NT5DC1: variants seen among roughly 807,000 people sequenced by gnomAD.
The protein encoded by NT5DC1 is 5'-nucleotidase domain containing 1, also known as 5'-nucleotidase domain-containing protein 1.
NT5DC1 carries 42 observed loss-of-function variants against 59.4 expected under a neutral mutation model. The ratio of observed to expected loss-of-function variants is 0.71; its 90% CI spans 0.55 to 0.92. The LOEUF (loss-of-function observed/expected upper bound fraction) is 0.92, where lower values mean the gene tolerates loss of function less well. Among genes scored for constraint, NT5DC1 ranks in the 40% least tolerant of loss-of-function variants. The pLI is 0.00. For missense variants in NT5DC1, 501 were observed against 537.1 expected (o/e 0.93, Z 0.66); for synonymous variants, 172 against 188.1 (o/e 0.91, Z 0.70).
At chr6:116,166,149 G>A (rs1476832846) in intron 6 of NT5DC1, among the ~76,000 whole-genome samples, 1 of 152,148 alleles carries the variant, frequency 6.6e-6, no homozygotes, top group African/African-American at 2.4e-5. Context: ...GGATTCAGAG[G>A]TTCTCGGGAG....
chr6:116,120,976 A>T, intron 6 of NT5DC1: 1 of 1,612,338 alleles, frequency 6.2e-7, no homozygotes, highest in Non-Finnish European at 8.5e-7. Context: ...ACCCAGGGGA[A>T]CCCCTTTCAC....
intron 6 of NT5DC1, among the ~76,000 whole-genome samples, chr6:116,133,207 T>C (rs1779512257): frequency 6.6e-6 from 1 of 152,172 alleles, no homozygotes; most frequent in South Asian, 2.1e-4. Flanking sequence ...AAATATAGAA[T>C]GTCTTGGCCC....
At chr6:116,135,224 G>A (rs1779559199) in intron 6 of NT5DC1, among the ~76,000 whole-genome samples, 1 of 152,086 alleles carries the variant, frequency 6.6e-6, no homozygotes, top group Admixed American at 6.6e-5. Context: ...GACCCTTAAA[G>A]GGGGAAGATG....
intron 3 of NT5DC1, among the ~76,000 whole-genome samples, chr6:116,108,881 T>C (rs1209657126): frequency 1.3e-5 from 2 of 152,200 alleles, no homozygotes; most frequent in Non-Finnish European, 2.9e-5. Context: ...AATTTGGCCC[T>C]GTCATGCAGG....
At chr6:116,183,477 T>C (rs1397763852) in intron 6 of NT5DC1, among the ~76,000 whole-genome samples, 1 of 151,558 alleles carries the variant, frequency 6.6e-6, no homozygotes, top group Admixed American at 6.6e-5. Flanking sequence ...TGGTCATTTT[T>C]TAAATATGGA....
chr6:116,132,962 C>A (rs766753144), intron 6 of NT5DC1, among the ~76,000 whole-genome samples: 2 of 152,056 alleles, frequency 1.3e-5, no homozygotes, highest in Non-Finnish European at 2.9e-5. Flanking sequence ...TGGTTAGATA[C>A]CTGCTGAGAG....
intron 6 of NT5DC1, among the ~76,000 whole-genome samples, chr6:116,206,492 A>G (rs1376369275): frequency 6.6e-6 from 1 of 151,974 alleles, no homozygotes; most frequent in Non-Finnish European, 1.5e-5. Flanking sequence ...ACCCAGGAAC[A>G]CTGGAGACCA....
chr6:116,182,222 AGTGTGTGTGTGTGT>A (rs35883565), intron 6 of NT5DC1, among the ~76,000 whole-genome samples: 9 of 124,604 alleles, frequency 7.2e-5, no homozygotes, highest in Non-Finnish European at 1.2e-4. Context: ...TTCCATGGAG[AGTGTGTGTGTGTGT>A]GTGTGTGTGT....
intron 11 of NT5DC1, among the ~76,000 whole-genome samples, chr6:116,240,787 C>A (rs976226820): frequency 6.6e-6 from 1 of 152,038 alleles, no homozygotes; most frequent in East Asian, 1.9e-4. Context: ...CTTTAAATTG[C>A]TGAAAGAAAA....
In NT5DC1 at chr6:116,110,900, A is replaced by G. The variant is rs760865615; in HGVS notation, c.308A>G (p.Tyr103Cys). Reference protein sequence around the residue: ...MMTPEVLAEAYGKKEWKHFLS... With the variant: ...MMTPEVLAEACGKKEWKHFLS... ...ACTCCAGAGGTGCTGGCAGAGGCAT[A>G]TGGCAAGAAAGAGTGGAAGCACTTC... is the stretch of plus-strand genomic sequence containing the variant. Residue 103 changes from tyrosine (Y) to cysteine (C), a missense_variant, in exon 4 of 12, where the codon TAT (tyrosine) becomes TGT (cysteine). By Grantham distance (194) the Tyr-to-Cys change is radical. Coordinates refer to ENST00000319550, the MANE Select transcript of NT5DC1 (RefSeq NM_152729.3). 5.6e-6 allele frequency: 9 copies of G among 1,614,076 alleles called. No individual in the cohort carries two copies. In the East Asian group the frequency reaches 1.6e-4, roughly 28 times the overall value.
Position 116,122,343 on chromosome 6 carries a change from A to G in NT5DC1, c.529+4398A>G, listed in dbSNP as rs900596471. On this transcript the variant is annotated intron_variant, in intron 6 of 11. Coordinates refer to ENST00000319550, the MANE Select transcript of NT5DC1 (RefSeq NM_152729.3). ...ATAAGTGAGAAAATGTTTAAGAACT[A>G]TAAAAATTTTCCCTCCCAAAGCTAC... is the stretch of plus-strand genomic sequence containing the variant. Among the ~76,000 whole-genome samples the G allele has an allele frequency of 3.3e-5, 5 of 152,338 alleles. No individual in the cohort carries two copies. The East Asian group carries it at 7.7e-4, about 24-fold the overall frequency.
At chr6:116,113,299 T>C (rs1278244514) in intron 4 of NT5DC1, among the ~76,000 whole-genome samples, 3 of 152,216 alleles carry the variant, frequency 2.0e-5, no homozygotes. Context: ...CATAAATTGT[T>C]CCTTTCCCCT....
chr6:116,196,476 A>C (rs535237690), intron 6 of NT5DC1, among the ~76,000 whole-genome samples: 23 of 152,126 alleles, frequency 1.5e-4, no homozygotes, highest in African/African-American at 4.8e-4. Flanking sequence ...GATTAGTTTG[A>C]TCTAGGGAAA....
intron 6 of NT5DC1, among the ~76,000 whole-genome samples, chr6:116,161,308 T>A (rs1020935515): frequency 6.6e-6 from 1 of 151,690 alleles, no homozygotes; most frequent in African/African-American, 2.4e-5. Flanking sequence ...AACCTGCACA[T>A]TGTGCACATG....
chr6:116,199,051 T>C (rs1781291328), intron 6 of NT5DC1, among the ~76,000 whole-genome samples: 1 of 152,034 alleles, frequency 6.6e-6, no homozygotes, highest in African/African-American at 2.4e-5. Context: ...ATCACTGGCC[T>C]CTATCCACTA....
At chr6:116,103,970 G>A (rs969643789) in intron 1 of NT5DC1, among the ~76,000 whole-genome samples, 1 of 152,116 alleles carries the variant, frequency 6.6e-6, no homozygotes, top group African/African-American at 2.4e-5. Context: ...AACCTTAAGT[G>A]GGAACCAAAC....
intron 6 of NT5DC1, among the ~76,000 whole-genome samples, chr6:116,167,816 G>A (rs895967703): frequency 6.6e-6 from 1 of 152,066 alleles, no homozygotes; most frequent in Non-Finnish European, 1.5e-5. Context: ...CTCAAATGAA[G>A]TGTAACATTA....
intron 7 of NT5DC1, among the ~76,000 whole-genome samples, 172 bp downstream of exon 7, chr6:116,221,400 A>AC (rs1781802006): frequency 6.6e-6 from 1 of 152,188 alleles, no homozygotes; most frequent in African/African-American, 2.4e-5. Context: ...CAGCAGCCCA[A>AC]CCAAGTACAT....
chr6:116,156,315 T>A (rs577473881), intron 6 of NT5DC1, among the ~76,000 whole-genome samples: 70 of 152,174 alleles, frequency 4.6e-4, no homozygotes, highest in Non-Finnish European at 7.4e-4. Context: ...TTAAAAAAAA[T>A]TTTTTTTAGG....
Sources: gnomAD v4.1 joint callset for allele counts (sites outside exome capture counted in the v4.1 genomes callset) on GRCh38, gnomAD v4.1.1 for gene constraint, MANE v1.5 for transcripts, NCBI Gene and HGNC (gene_info 2026-07-23, HGNC 2026-07-21) for gene names.